RIF1: variants seen among roughly 807,000 people sequenced by gnomAD.
The protein encoded by RIF1 is telomere-associated protein RIF1.
In RIF1, 45 loss-of-function variants were observed where a neutral mutation model predicts 247.1. The ratio of observed to expected loss-of-function variants is 0.18; its 90% CI spans 0.14 to 0.23. RIF1 has a LOEUF of 0.23. Among genes scored for constraint, RIF1 ranks in the 10% least tolerant of loss-of-function variants. RIF1 has a pLI of 1.00. For missense variants in RIF1, 2,967 were observed against 2,862.5 expected, an observed-to-expected ratio of 1.04 and a Z score of -0.83; for synonymous variants, 1,087 against 978.8, an observed-to-expected ratio of 1.11 and a Z score of -2.06.
chr2:151,460,171 T>G, intron 26 of RIF1, 52 bp downstream of exon 26: 1 of 1,334,196 alleles, frequency 7.5e-7, no homozygotes, highest in East Asian at 2.5e-5. Context: ...ATATTGTAAC[T>G]TACATACAAC....
At chr2:151,432,997 A>G (rs1690461249) in intron 9 of RIF1, 80 bp from the exon 10 acceptor site, 1 of 1,091,752 alleles carries the variant, frequency 9.2e-7, no homozygotes, top group African/African-American at 1.6e-5. Flanking sequence ...TTGCTGTGAT[A>G]AAAGACTGTT....
Position 151,416,577 on chromosome 2 carries a change from A to G in RIF1, c.297A>G (p.Glu99=), listed in dbSNP as rs551824659. Residue 99 remains glutamate, a synonymous_variant, in exon 5 of 36, where the codon GAA becomes GAG. Coordinates refer to ENST00000444746, the MANE Select transcript of RIF1 (RefSeq NM_018151.5). ...GTTTTTCAGAGGCAAATGCTCTAGAATTGCTTTCAAAATTGAATGATACCA... is the reference window on the plus strand; with the variant it reads ...GTTTTTCAGAGGCAAATGCTCTAGAGTTGCTTTCAAAATTGAATGATACCA... ...TSELSEANAL[E]LLSKLNDTIK... is the part of the protein sequence containing the mutation. 7 of 1,601,686 alleles carry G rather than the reference A, an allele frequency of 4.4e-6. No homozygotes were observed. The East Asian group carries it at 1.1e-4, about 26-fold the overall frequency.
chr2:151,440,425 C>A (rs186949817), intron 15 of RIF1, among the ~76,000 whole-genome samples: 8 of 152,156 alleles, frequency 5.3e-5, no homozygotes, highest in Admixed American at 5.2e-4. Flanking sequence ...ACTCAGATGT[C>A]CTTTAATTTT....
At position 151,420,347 on chromosome 2, in the gene RIF1, A is replaced by G. The variant is rs147759612; in HGVS notation, c.661A>G (p.Ile221Val). Residue 221 changes from isoleucine to valine, a missense_variant, in exon 7 of 36, where the codon ATA (isoleucine) becomes GTA (valine). Ile to Val is a conservative substitution (Grantham distance 29). Around this residue, in one of 7 missense-constraint regions of RIF1, gnomAD observed 269 missense variants for 288.6 expected, o/e 0.93. Coordinates refer to ENST00000444746, the MANE Select transcript of RIF1 (RefSeq NM_018151.5). ...MPLLLQKQQE[I>V]ASITEQLMTT... Reference sequence around the variant, plus strand: ...ATTATTGCTTCAGAAACAGCAAGAAATAGCATCTATTACGGAGCAGCTTAT... The same window carrying G: ...ATTATTGCTTCAGAAACAGCAAGAAGTAGCATCTATTACGGAGCAGCTTAT... 72 of 1,614,078 alleles carry G rather than the reference A, an allele frequency of 4.5e-5. No homozygotes were observed. The African/African-American group carries it at 5.9e-4, about 13-fold the overall frequency.
chr2:151,502,937 T>G, intron 11 of RIF1: 2 of 1,133,672 alleles, frequency 1.8e-6, no homozygotes, highest in Non-Finnish European at 2.6e-6. Flanking sequence ...GCACAGAGAG[T>G]AAGGAAGGAA....
At chr2:151,446,808 G>T (rs1476793678) in intron 20 of RIF1, among the ~76,000 whole-genome samples, 2 of 152,016 alleles carry the variant, frequency 1.3e-5, no homozygotes, top group Non-Finnish European at 2.9e-5. Flanking sequence ...ATCTCCTTGT[G>T]CTTGTGTCAT....
the RIF1 span, chr2:151,531,940 T>C: frequency 1.5e-6 from 2 of 1,318,632 alleles, no homozygotes; most frequent in East Asian, 2.4e-5. Flanking sequence ...AGTTGTAGAG[T>C]GGGCTTTAAG....
downstream of RIF1, chr2:151,485,857 A>T: frequency 1.9e-6 from 3 of 1,614,056 alleles, no homozygotes; most frequent in Non-Finnish European, 2.5e-6. Context: ...TTGAACATTT[A>T]TGATGGCATC....
intron 12 of RIF1, chr2:151,503,576 G>A (rs114005738): frequency 0.011 from 6,325 of 556,754 alleles, 72 homozygotes; most frequent in Middle Eastern, 0.042. Flanking sequence ...GGAACAGGGG[G>A]GAAAATTCCA....
intron 22 of RIF1, 66 bp from the exon 23 acceptor site, chr2:151,456,512 A>G: frequency 1.2e-6 from 1 of 833,274 alleles, no homozygotes; most frequent in Non-Finnish European, 1.9e-6. Flanking sequence ...TCTTAGGATT[A>G]GCTTGATAGA....
chr2:151,490,468 T>G (rs1324668489), intron 9 of RIF1: 1 of 1,608,732 alleles, frequency 6.2e-7, no homozygotes, highest in Admixed American at 1.7e-5. Flanking sequence ...CCACTGATGC[T>G]TAGTGCACTG....
the RIF1 span, chr2:151,514,698 G>T: frequency 1.3e-6 from 1 of 742,056 alleles, no homozygotes; most frequent in Non-Finnish European, 2.2e-6. Flanking sequence ...AAGCACATGA[G>T]AACCCAATTT....
chr2:151,533,624 C>A, the RIF1 span: 1 of 900,980 alleles, frequency 1.1e-6, no homozygotes. Context: ...TCCCAATCAC[C>A]TCTGAGTGAA....
intron 2 of RIF1, 103 bp from the exon 3 acceptor site, chr2:151,411,157 A>C: frequency 1.4e-6 from 1 of 722,796 alleles, no homozygotes; most frequent in Non-Finnish European, 2.4e-6. Flanking sequence ...ATTCATTTGC[A>C]GGAGTTAGAA....
chr2:151,475,587 G>A lies in RIF1; in HGVS notation c.*516G>A, dbSNP rs2048889318. 6.5e-6 allele frequency: 1 copy of A among 153,098 alleles called. No individual in the cohort carries two copies. Among genetic ancestry groups the A allele is most frequent in the African/African-American group, 2.4e-5 (1 of 41,452 alleles). 9.5% of individuals were successfully genotyped at this position (153,098 alleles called of 1,614,324 possible). A position where few individuals can be genotyped will look rare whatever the true frequency, so the allele number is the denominator to read the frequency against. ...AAGAATTTGAATTTTTCCTGCATATGTCAACTTTGGACAGCTTTCAAGAAA... is the reference window on the plus strand; with the variant it reads ...AAGAATTTGAATTTTTCCTGCATATATCAACTTTGGACAGCTTTCAAGAAA... On this transcript the variant is annotated 3_prime_UTR_variant, in exon 36 of 36. Transcript: ENST00000444746.
intron 10 of RIF1, among the ~76,000 whole-genome samples, chr2:151,498,744 T>C (rs10497082): frequency 0.26 from 39,712 of 151,958 alleles, 6,195 homozygotes; most frequent in Non-Finnish European, 0.36. Context: ...ATATTTGGGT[T>C]TTACAAACAT....
chr2:151,465,104 G>C lies in RIF1; in HGVS notation c.5584G>C (p.Val1862Leu). The C allele has an allele frequency of 6.2e-7, 1 of 1,608,406 alleles. No homozygotes were observed. Among genetic ancestry groups the C allele is most frequent in the Non-Finnish European group, 8.5e-7 (1 of 1,178,808 alleles). Reference sequence around the variant, plus strand: ...GTCACCTAATGAAAATTTTAAAACTGTTGGCCCGTGTTTAGGAGACTCGAA... The same window carrying C: ...GTCACCTAATGAAAATTTTAAAACTCTTGGCCCGTGTTTAGGAGACTCGAA... ...QESPNENFKT[V>L]GPCLGDSKNV... The change falls in exon 30 of 36, where the codon GTT becomes CTT. Residue 1862 changes from valine (V) to leucine (L), a missense_variant. Around this residue, in one of 7 missense-constraint regions of RIF1, gnomAD observed 2,028 missense variants for 1,825.6 expected, o/e 1.11. Transcript: ENST00000444746.
At chr2:151,435,772 T>G (rs1382876900) in intron 11 of RIF1, among the ~76,000 whole-genome samples, 192 bp downstream of exon 11, 1 of 151,996 alleles carries the variant, frequency 6.6e-6, no homozygotes, top group Non-Finnish European at 1.5e-5. Context: ...TTTTTGTTTT[T>G]TTTTTTTAAT....
chr2:151,490,013 CTGTT>C, intron 9 of RIF1: 1 of 1,613,322 alleles, frequency 6.2e-7, no homozygotes, highest in Non-Finnish European at 8.5e-7. Context: ...ATACCGTTGT[CTGTT>C]GGGTAGCAAC....
Sources: gnomAD v4.1 joint callset for allele counts (sites outside exome capture counted in the v4.1 genomes callset) on GRCh38, gnomAD v4.1.1 for gene constraint, gnomAD v4.1.1 regional missense constraint, MANE v1.5 for transcripts, NCBI Gene and HGNC (gene_info 2026-07-23, HGNC 2026-07-21) for gene names.